Variants in SPHKAP observed in about 807,000 individuals in gnomAD.
The protein encoded by SPHKAP is SPHK1 interactor, AKAP domain containing.
A neutral mutation model predicts 137.5 loss-of-function variants in SPHKAP; 67 were observed. The ratio of observed to expected loss-of-function variants is 0.49; its 90% CI spans 0.40 to 0.60. The LOEUF (loss-of-function observed/expected upper bound fraction) is 0.60. Ranked by LOEUF, SPHKAP falls within the 20% of genes least tolerant of loss-of-function variation. The pLI is 0.00. For missense variants in SPHKAP, 2,097 were observed against 2,069.3 expected (o/e 1.01, Z -0.26); for synonymous variants, 813 against 785.3 (o/e 1.04, Z -0.59).
At chr2:228,051,209 T>C (rs980865115) in intron 3 of SPHKAP, among the ~76,000 whole-genome samples, 2 of 152,218 alleles carry the variant, frequency 1.3e-5, no homozygotes, top group Non-Finnish European at 1.5e-5. Flanking sequence ...TATTGTTCAG[T>C]AGGGACTACA....
intron 1 of SPHKAP, among the ~76,000 whole-genome samples, chr2:228,164,798 C>T (rs1202153931): frequency 1.3e-5 from 2 of 152,196 alleles, no homozygotes; most frequent in African/African-American, 4.8e-5. Flanking sequence ...AACTGCTGGT[C>T]TGGCTGCCAG....
At chr2:228,014,812 A>G (rs947756715) in intron 7 of SPHKAP, among the ~76,000 whole-genome samples, 2 of 152,210 alleles carry the variant, frequency 1.3e-5, no homozygotes, top group African/African-American at 4.8e-5. Context: ...CACTCTTGGT[A>G]AATAATAAAC....
intron 3 of SPHKAP, among the ~76,000 whole-genome samples, chr2:228,048,451 A>C (rs980239368): frequency 2.6e-5 from 4 of 151,926 alleles, no homozygotes; most frequent in African/African-American, 9.7e-5. Flanking sequence ...CTAGTCCTTG[A>C]CCTCTAAATT....
At chr2:228,081,597 T>C (rs1195759803) in intron 3 of SPHKAP, among the ~76,000 whole-genome samples, 1 of 152,164 alleles carries the variant, frequency 6.6e-6, no homozygotes, top group Non-Finnish European at 1.5e-5. Context: ...GTATACTTAA[T>C]GGAATACTAC....
intron 7 of SPHKAP, among the ~76,000 whole-genome samples, chr2:228,007,183 A>G (rs987627030): frequency 2.6e-5 from 4 of 152,174 alleles, no homozygotes; most frequent in African/African-American, 7.2e-5. Flanking sequence ...CAAGTTTTGT[A>G]CTATCCTTAA....
Position 227,988,868 on chromosome 2 carries a change from C to T in SPHKAP, c.4959+2132G>A, listed in dbSNP as rs577356437. Among the ~76,000 whole-genome samples, 52 of 152,230 alleles carry T rather than the reference C, an allele frequency of 3.4e-4. No individual in the cohort carries two copies. The South Asian group carries it at 8.9e-3, about 26-fold the overall frequency. On this transcript the variant is annotated intron_variant, in intron 11 of 11. Coordinates refer to ENST00000392056, the MANE Select transcript of SPHKAP (RefSeq NM_001142644.2). ...GAGGAGAATTTATCAAATAGTGAACCGCTCAACACCTTGTAAATGAAAGTA... is the reference window on the plus strand; with the variant it reads ...GAGGAGAATTTATCAAATAGTGAACTGCTCAACACCTTGTAAATGAAAGTA...
intron 1 of SPHKAP, among the ~76,000 whole-genome samples, chr2:228,150,623 C>CT (rs71299664): frequency 0.026 from 3,190 of 120,692 alleles, 100 homozygotes; most frequent in African/African-American, 0.075. Flanking sequence ...ATGATGTTTA[C>CT]TTTTTTTTTC....
At position 228,019,080 on chromosome 2, in the gene SPHKAP, C is replaced by T. The variant is rs200101196; in HGVS notation, c.1774G>A (p.Ala592Thr). ...GGCATGGCTTCAGAAGCCTCAGCTGCAGGCGGGAGGCTACCACTTGGAGCC... is the reference window on the plus strand; with the variant it reads ...GGCATGGCTTCAGAAGCCTCAGCTGTAGGCGGGAGGCTACCACTTGGAGCC... Reference protein sequence around the residue: ...SVAPSGSLPPAAEASEAMPPL... With the variant: ...SVAPSGSLPPTAEASEAMPPL... The change falls in exon 7 of 12, where the codon GCA becomes ACA. Residue 592 changes from alanine (A) to threonine (T), a missense_variant. Coordinates refer to ENST00000392056, the MANE Select transcript of SPHKAP (RefSeq NM_001142644.2). The T allele has an allele frequency of 1.9e-6, 3 of 1,613,902 alleles. No homozygotes were observed. Among genetic ancestry groups the T allele is most frequent in the East Asian group, 4.5e-5 (2 of 44,868 alleles).
intron 2 of SPHKAP, among the ~76,000 whole-genome samples, chr2:228,127,074 G>T (rs1179471238): frequency 6.6e-6 from 1 of 152,164 alleles, no homozygotes; most frequent in Non-Finnish European, 1.5e-5. Context: ...TGAGTTTGGG[G>T]AATTGCCGAC....
At chr2:228,080,760 AATAAAATAAAATAAAAT>A (rs1173755350) in intron 3 of SPHKAP, among the ~76,000 whole-genome samples, 10 of 56,614 alleles carry the variant, frequency 1.8e-4, no homozygotes, top group African/African-American at 6.2e-4. Flanking sequence ...AATAAAATAA[AATAAAATAAAATAAAAT>A]AAAATAAAAC....
chr2:228,030,848 T>C (rs1319161723), intron 3 of SPHKAP, among the ~76,000 whole-genome samples: 1 of 152,100 alleles, frequency 6.6e-6, no homozygotes, highest in Non-Finnish European at 1.5e-5. Flanking sequence ...TCTGACATGG[T>C]TGACTGATTT....
intron 11 of SPHKAP, among the ~76,000 whole-genome samples, chr2:227,985,283 C>T (rs535484561): frequency 5.9e-4 from 90 of 152,142 alleles, no homozygotes; most frequent in South Asian, 5.2e-3. Flanking sequence ...GAGGCCGTGA[C>T]GACTTAATCT....
intron 3 of SPHKAP, among the ~76,000 whole-genome samples, chr2:228,055,542 C>T (rs1696408063): frequency 6.6e-6 from 1 of 152,144 alleles, no homozygotes; most frequent in Non-Finnish European, 1.5e-5. Flanking sequence ...CTGCTTCTGG[C>T]ACCTTGGAGA....
intron 11 of SPHKAP, chr2:227,982,394 T>A: frequency 1.0e-6 from 1 of 982,946 alleles, no homozygotes; most frequent in Non-Finnish European, 1.2e-6. Context: ...AAAGCCTGGC[T>A]TTCCACAGCC....
chr2:228,134,045 G>A (rs2106378031), intron 1 of SPHKAP, among the ~76,000 whole-genome samples: 1 of 151,306 alleles, frequency 6.6e-6, no homozygotes, highest in Admixed American at 6.6e-5. Context: ...AGGAAGGAAG[G>A]AAGAGAGGAA....
chr2:228,025,450 C>G lies in SPHKAP; in HGVS notation c.385G>C (p.Val129Leu), dbSNP rs754694515. 6 of 1,613,940 alleles carry G rather than the reference C, an allele frequency of 3.7e-6. No homozygotes were observed. The highest frequency in any genetic ancestry group is 5.1e-6 in the Non-Finnish European group (6 of 1,179,918). The change falls in exon 5 of 12, where the codon GTT (valine) becomes CTT (leucine). Residue 129 changes from valine (V) to leucine (L), a missense_variant. Transcript: ENST00000392056. ...CCAGAGGCTAACCCACTTAGGACAA[C>G]AATTTCATTTTCTTTTGGTTGTTGG... is the stretch of plus-strand genomic sequence containing the variant. The part of the protein sequence containing the change: ...NVQQPKENEI[V>L]VLSGLASGNL...
intron 1 of SPHKAP, among the ~76,000 whole-genome samples, chr2:228,151,832 GTATTA>G (rs1699942517): frequency 6.6e-6 from 1 of 151,882 alleles, no homozygotes; most frequent in South Asian, 2.1e-4. Context: ...ATTATATTTA[GTATTA>G]TATTTAGCCT....
intron 3 of SPHKAP, among the ~76,000 whole-genome samples, chr2:228,068,971 C>T (rs1696917328): frequency 6.6e-6 from 1 of 152,190 alleles, no homozygotes; most frequent in Non-Finnish European, 1.5e-5. Context: ...ATCTCCCTCA[C>T]CCAAAAGAGG....
intron 3 of SPHKAP, among the ~76,000 whole-genome samples, chr2:228,076,866 A>G (rs1697200237): frequency 1.3e-5 from 2 of 152,226 alleles, no homozygotes; most frequent in South Asian, 4.1e-4. Context: ...TCTCCAGGGC[A>G]TGTCAGAGAC....
Sources: allele counts gnomAD v4.1 joint callset (sites outside exome capture counted in the v4.1 genomes callset), GRCh38; gene constraint gnomAD v4.1.1; transcripts MANE v1.5; gene names NCBI Gene and HGNC (gene_info 2026-07-23, HGNC 2026-07-21).